The following KAT2B variants were observed in gnomAD, a reference collection of about 807,000 sequenced individuals.
KAT2B encodes lysine acetyltransferase 2B, also known as histone acetyltransferase KAT2B.
In KAT2B, 36 loss-of-function variants were observed where a neutral mutation model predicts 105.9. That is an observed-to-expected ratio of 0.34 (90% CI 0.26 to 0.45). The LOEUF is 0.45. Ranked by LOEUF, KAT2B falls within the 20% of genes least tolerant of loss-of-function variation. KAT2B has a pLI of 1.00. For synonymous variants in KAT2B, 397 were observed against 377.9 expected (o/e 1.05, Z -0.59); for missense variants, 820 against 1,021.6 (o/e 0.80, Z 2.69).
intron 5 of KAT2B, among the ~76,000 whole-genome samples, chr3:20,104,368 C>T (rs905131941): frequency 6.6e-5 from 10 of 152,086 alleles, no homozygotes; most frequent in South Asian, 2.1e-4. Flanking sequence ...ACCTCCCCCA[C>T]GTCCCCACCA....
chr3:20,044,324 TA>T (rs1184772084), intron 1 of KAT2B, among the ~76,000 whole-genome samples: 2 of 150,958 alleles, frequency 1.3e-5, no homozygotes, highest in Non-Finnish European at 2.9e-5. Context: ...CTACAAAAAA[TA>T]AAAAATTAAC....
At chr3:20,119,825 A>AC in intron 8 of KAT2B, 102 bp downstream of exon 8, 1 of 1,266,356 alleles carries the variant, frequency 7.9e-7, no homozygotes, top group Admixed American at 2.3e-5. Flanking sequence ...CAGATTGTGC[A>AC]TGTCCAGGAT....
intron 1 of KAT2B, among the ~76,000 whole-genome samples, chr3:20,063,621 C>A (rs1219196329): frequency 1.4e-5 from 2 of 143,122 alleles, no homozygotes; most frequent in Non-Finnish European, 3.0e-5. Context: ...CAGCTCACTG[C>A]AACCTCTGCC....
intron 1 of KAT2B, among the ~76,000 whole-genome samples, chr3:20,052,879 G>A (rs1359212321): frequency 6.6e-6 from 1 of 152,182 alleles, no homozygotes; most frequent in Non-Finnish European, 1.5e-5. Flanking sequence ...GGGAGGCTGA[G>A]GCAGGAGAAT....
At position 20,040,606 on chromosome 3, in the gene KAT2B, C is replaced by T; in HGVS notation, c.129C>T (p.Ala43=). The change falls in exon 1 of 18, where the codon GCC becomes GCT. Residue 43 remains alanine, a synonymous_variant. Transcript: ENST00000263754. ...CGCCCCCGCAGGGCTCCCCCTGCGC[C>T]GCTGCCGCCGGGGGCTCGGGCGCCT... ...PPAPPQGSPC[A]AAAGGSGACG... The T allele has an allele frequency of 1.6e-6, 2 of 1,281,696 alleles. No individual in the cohort carries two copies. The highest frequency in any genetic ancestry group is 2.1e-5 in the South Asian group (1 of 47,880). The allele number at this position is 1,281,696 out of a possible 1,614,324, so 79.4% of individuals were successfully genotyped here. A position where few individuals can be genotyped will look rare whatever the true frequency, so the allele number is the denominator to read the frequency against.
At chr3:20,099,268 G>A (rs9819739) in intron 3 of KAT2B, among the ~76,000 whole-genome samples, 27,289 of 152,138 alleles carry the variant, frequency 0.18, 2,566 homozygotes, top group Middle Eastern at 0.23. Flanking sequence ...AAAAAAGACT[G>A]TAACAGTGAA....
intron 1 of KAT2B, among the ~76,000 whole-genome samples, chr3:20,067,190 T>G (rs1301336898): frequency 6.6e-6 from 1 of 152,220 alleles, no homozygotes; most frequent in Non-Finnish European, 1.5e-5. Flanking sequence ...GTGGAGGAAG[T>G]AAAATCAGCC....
intron 1 of KAT2B, among the ~76,000 whole-genome samples, chr3:20,057,396 C>G (rs907278455): frequency 6.6e-6 from 1 of 152,090 alleles, no homozygotes; most frequent in Non-Finnish European, 1.5e-5. Context: ...ACCATGAGAA[C>G]GTGAGCTGTC....
rs1559318333 is a variant in KAT2B, at chr3:20,111,800, T to C, written c.1043+13T>C. On this transcript the variant is annotated intron_variant, in intron 6 of 17. Coordinates refer to ENST00000263754, the MANE Select transcript of KAT2B (RefSeq NM_003884.5). ...CTCATTTCCCAAAGTAAGGGAGAGT[T>C]TTTGCTGGTCTTTGTTTGATCCCAG... 6.2e-7 allele frequency: 1 copy of C among 1,605,040 alleles called. No individual in the cohort carries two copies. Among genetic ancestry groups the C allele is most frequent in the Admixed American group, 1.7e-5 (1 of 58,868 alleles).
intron 1 of KAT2B, among the ~76,000 whole-genome samples, chr3:20,062,346 T>C (rs1236122424): frequency 4.5e-4 from 51 of 112,342 alleles, no homozygotes; most frequent in Non-Finnish European, 7.5e-4. Flanking sequence ...AAATATAATA[T>C]ATAATATATT....
chr3:20,081,248 G>C (rs532258818), intron 2 of KAT2B, among the ~76,000 whole-genome samples: 1 of 152,320 alleles, frequency 6.6e-6, no homozygotes, highest in African/African-American at 2.4e-5. Context: ...GCTGCTGCCT[G>C]TTCACACTGC....
At chr3:20,141,659 T>C (rs7642569) in intron 13 of KAT2B, among the ~76,000 whole-genome samples, 50,443 of 152,084 alleles carry the variant, frequency 0.33, 9,604 homozygotes, top group East Asian at 0.52. Context: ...TGTTAGGCAT[T>C]ATCTACCTAA....
rs142025762 is a variant in KAT2B at position 20,128,251 on chromosome 3, C to G, written c.1749+702C>G. ...TTACACATACACGCAAACATGTAATCACAATTAGTGACACTGAACTACTGG... is the reference window on the plus strand; with the variant it reads ...TTACACATACACGCAAACATGTAATGACAATTAGTGACACTGAACTACTGG... On this transcript the variant is annotated intron_variant, in intron 11 of 17. Transcript: ENST00000263754. Among the ~76,000 whole-genome samples the G allele has an allele frequency of 4.0e-3, 612 of 152,266 alleles. 6 individuals are homozygous for G. The highest frequency in any genetic ancestry group is 0.012 in the African/African-American group (504 of 41,542).
At chr3:20,120,373 G>A (rs968231761) in intron 8 of KAT2B, among the ~76,000 whole-genome samples, 2 of 152,050 alleles carry the variant, frequency 1.3e-5, no homozygotes, top group Admixed American at 6.6e-5. Context: ...GATTACAGGT[G>A]CCCACCATCA....
At chr3:20,142,688 C>T (rs1010374430) in intron 13 of KAT2B, among the ~76,000 whole-genome samples, 3 of 152,094 alleles carry the variant, frequency 2.0e-5, no homozygotes, top group African/African-American at 7.2e-5. Flanking sequence ...CTCATGTCAC[C>T]TGACAGGGCT....
In KAT2B at chr3:20,049,669, A is replaced by C. The variant is rs1306953648; in HGVS notation, c.303+8889A>C. Among the ~76,000 whole-genome samples, 4 of 152,356 alleles carry C rather than the reference A, an allele frequency of 2.6e-5. No homozygotes were observed. The East Asian group carries it at 5.8e-4, about 22-fold the overall frequency. On this transcript the variant is annotated intron_variant, in intron 1 of 17. Transcript: ENST00000263754. ...TACTCCAATTGAGAGGTATGTTCAAAGGATTTTCTAGTCCATTGAACCTGT... is the reference window on the plus strand; with the variant it reads ...TACTCCAATTGAGAGGTATGTTCAACGGATTTTCTAGTCCATTGAACCTGT...
intron 2 of KAT2B, among the ~76,000 whole-genome samples, chr3:20,082,243 C>G (rs977290809): frequency 3.9e-5 from 6 of 152,022 alleles, no homozygotes; most frequent in Admixed American, 1.3e-4. Context: ...TCATGTTGGC[C>G]AGGCTGGTCT....
intron 2 of KAT2B, among the ~76,000 whole-genome samples, chr3:20,092,182 A>G (rs1248056430): frequency 1.3e-5 from 2 of 149,538 alleles, no homozygotes. Context: ...GAAGTCCCCT[A>G]CTATTATTGT....
intron 1 of KAT2B, among the ~76,000 whole-genome samples, chr3:20,067,532 C>G (rs990505791): frequency 6.6e-6 from 1 of 152,122 alleles, no homozygotes; most frequent in African/African-American, 2.4e-5. Flanking sequence ...AGATCTATAT[C>G]TCTAAAACTC....
Sources: allele counts gnomAD v4.1 joint callset (sites outside exome capture counted in the v4.1 genomes callset), GRCh38; gene constraint gnomAD v4.1.1; transcripts MANE v1.5; gene names NCBI Gene and HGNC (gene_info 2026-07-23, HGNC 2026-07-21).